The following CHIA variants were observed in gnomAD, a reference collection of about 807,000 sequenced individuals.
The protein encoded by CHIA is chitinase acidic.
In CHIA, 47 loss-of-function variants were observed where a neutral mutation model predicts 53.5. The observed-to-expected ratio is 0.88, with a 90% CI of 0.70 to 1.12. CHIA has a LOEUF of 1.12. CHIA is among the 50% of genes most tolerant of loss of function. CHIA has a pLI of 0.00. For synonymous variants in CHIA, 268 were observed against 222.2 expected (o/e 1.21, Z -1.83); for missense variants, 652 against 592.2 (o/e 1.10, Z -1.05).
chr1:111,311,766 T>A lies in CHIA; in HGVS notation c.55+48T>A, dbSNP rs746363337. On this transcript the variant is annotated intron_variant, in intron 3 of 11. Coordinates refer to ENST00000369740, the MANE Select transcript of CHIA (RefSeq NM_201653.4). ...TATCATTGAATGTATATATACGAGA[T>A]AAACCATACTATGGAAAGAGAGCCG... 92 of 1,582,332 alleles carry A rather than the reference T, an allele frequency of 5.8e-5. 1 individual carries two copies. In the East Asian group the frequency reaches 1.7e-3, roughly 30 times the overall value.
chr1:111,310,556 G>GA (rs1425656880), intron 2 of CHIA, 64 bp downstream of exon 2: 3 of 1,611,684 alleles, frequency 1.9e-6, no homozygotes, highest in Admixed American at 1.7e-5. Context: ...CACAGGCTCT[G>GA]AAAATCATGA....
intron 1 of CHIA, among the ~76,000 whole-genome samples, chr1:111,303,639 C>A (rs1647941267): frequency 6.6e-6 from 1 of 152,134 alleles, no homozygotes; most frequent in Non-Finnish European, 1.5e-5. Context: ...TTTACAGCCC[C>A]ATTCCCTACC....
chr1:111,307,754 G>T (rs1268991098), intron 1 of CHIA, among the ~76,000 whole-genome samples: 2 of 151,284 alleles, frequency 1.3e-5, no homozygotes, highest in Non-Finnish European at 2.9e-5. Flanking sequence ...CAATTCTCCT[G>T]CCTTAGCCTC....
chr1:111,292,979 C>T lies in CHIA; in HGVS notation c.-69+2029C>T, dbSNP rs60084064. Among the ~76,000 whole-genome samples, 867 of 152,230 alleles carry T rather than the reference C, an allele frequency of 5.7e-3. 11 individuals carry two copies. The highest frequency in any genetic ancestry group is 0.019 in the African/African-American group (799 of 41,552). On this transcript the variant is annotated intron_variant, in intron 1 of 11. Coordinates refer to ENST00000369740, the MANE Select transcript of CHIA (RefSeq NM_201653.4). ...ATATATAACAGTTTTGTTATCCATT[C>T]ATTCACTGAAGGACACTTGAGTTGC...
At chr1:111,315,007 G>A in intron 5 of CHIA, 1 of 453,602 alleles carries the variant, frequency 2.2e-6, no homozygotes. Flanking sequence ...CAGTGTGCTG[G>A]GTTTGCCAGG....
chr1:111,317,789 A>G lies in CHIA; in HGVS notation c.589A>G (p.Ile197Val). Reference protein sequence around the residue: ...GISNIQSGYEIPQLSQYLDYI... With the variant: ...GISNIQSGYEVPQLSQYLDYI... ...CTCCAATATCCAGTCTGGCTATGAG[A>G]TCCCCCAACTGTCACAGTGAGTGAT... The change falls in exon 7 of 12, where the codon ATC (isoleucine) becomes GTC (valine). Residue 197 changes from isoleucine (I) to valine (V), a missense_variant. Coordinates refer to ENST00000369740, the MANE Select transcript of CHIA (RefSeq NM_201653.4). 6.2e-7 allele frequency: 1 copy of G among 1,613,512 alleles called. No individual in the cohort carries two copies. The highest frequency in any genetic ancestry group is 8.5e-7 in the Non-Finnish European group (1 of 1,180,000).
chr1:111,291,628 G>A (rs150434041), intron 1 of CHIA, among the ~76,000 whole-genome samples: 753 of 152,126 alleles, frequency 4.9e-3, no homozygotes, highest in Non-Finnish European at 8.7e-3. Context: ...GTATACCTAT[G>A]TAACAAACCT....
chr1:111,295,755 G>C (rs1661300333), intron 1 of CHIA, among the ~76,000 whole-genome samples: 1 of 152,176 alleles, frequency 6.6e-6, no homozygotes. Context: ...GCAGGGTGGG[G>C]CATCACCTCA....
intron 9 of CHIA, among the ~76,000 whole-genome samples, 187 bp from the exon 10 acceptor site, chr1:111,318,933 T>G (rs1311882059): frequency 6.6e-6 from 1 of 152,206 alleles, no homozygotes; most frequent in African/African-American, 2.4e-5. Context: ...TAAATATACC[T>G]CTCATATTAC....
chr1:111,320,090 A>G, intron 11 of CHIA, 123 bp from the exon 12 acceptor site: 1 of 756,758 alleles, frequency 1.3e-6, no homozygotes, highest in Non-Finnish European at 2.2e-6. Context: ...TCTCAGTTGC[A>G]GGGATCCAGA....
chr1:111,314,871 A>G, intron 5 of CHIA: 1 of 459,710 alleles, frequency 2.2e-6, no homozygotes, highest in Non-Finnish European at 3.9e-6. Flanking sequence ...GTATTTCAAG[A>G]GTACAAACCC....
intron 1 of CHIA, among the ~76,000 whole-genome samples, chr1:111,296,183 G>A (rs1047851116): frequency 2.0e-5 from 3 of 152,230 alleles, no homozygotes; most frequent in African/African-American, 7.2e-5. Context: ...AAACATTCCT[G>A]TCTGACAGCT....
intron 5 of CHIA, 32 bp from the exon 6 acceptor site, chr1:111,315,238 G>A (rs746667719): frequency 2.5e-6 from 4 of 1,585,270 alleles, no homozygotes; most frequent in Non-Finnish European, 2.6e-6. Context: ...GACCACCAAG[G>A]TCTCACCCTG....
chr1:111,314,789 A>G, intron 5 of CHIA, 193 bp downstream of exon 5: 1 of 545,728 alleles, frequency 1.8e-6, no homozygotes, highest in South Asian at 2.5e-5. Flanking sequence ...CATACATTTA[A>G]TTTGGTGGAC....
intron 1 of CHIA, among the ~76,000 whole-genome samples, chr1:111,293,258 T>A (rs1661135434): frequency 2.6e-5 from 4 of 152,348 alleles, no homozygotes; most frequent in African/African-American, 9.6e-5. Context: ...ATTTTCTGTT[T>A]TTTGATAGTA....
chr1:111,318,591 C>G lies in CHIA; in HGVS notation c.828C>G (p.Pro276=). The change falls in exon 9 of 12, where the codon CCC becomes CCG. Residue 276 remains proline (P), a synonymous_variant. Coordinates refer to ENST00000369740, the MANE Select transcript of CHIA (RefSeq NM_201653.4). ...TYGHNFILSN[P]SNTGIGAPTS... ...GACACAACTTCATCCTGAGCAACCC[C>G]TCCAACACTGGAATTGGTGCCCCCA... The G allele has an allele frequency of 6.2e-7, 1 of 1,614,226 alleles. No individual in the cohort carries two copies. Among genetic ancestry groups the G allele is most frequent in the South Asian group, 1.1e-5 (1 of 91,084 alleles).
At position 111,320,220 on chromosome 1, in the gene CHIA, G is replaced by A. The variant is rs372590829; in HGVS notation, c.1185G>A (p.Thr395=). ...TACTGCTGTATGTTTCAGGTTGCAC[G>A]GCTCCAGCTCAGCCCATTGAGCCAA... ...KALGLQSASC[T]APAQPIEPIT... is the part of the protein sequence containing the mutation. Residue 395 remains threonine (T), a synonymous_variant, in exon 12 of 12, where the codon ACG becomes ACA. Coordinates refer to ENST00000369740, the MANE Select transcript of CHIA (RefSeq NM_201653.4). 8 of 1,613,376 alleles carry A rather than the reference G, an allele frequency of 5.0e-6. No individual in the cohort carries two copies. The highest frequency in any genetic ancestry group is 3.3e-5 in the Admixed American group (2 of 60,026).
intron 6 of CHIA, 151 bp from the exon 7 acceptor site, chr1:111,317,530 C>T (rs1649254513): frequency 4.9e-6 from 4 of 809,182 alleles, no homozygotes; most frequent in Admixed American, 5.1e-5. Flanking sequence ...ATCCGATCTA[C>T]TTTATTTGGT....
intron 1 of CHIA, among the ~76,000 whole-genome samples, chr1:111,300,430 C>T (rs1647621667): frequency 1.3e-5 from 2 of 152,150 alleles, no homozygotes; most frequent in South Asian, 4.1e-4. Context: ...TAACACCACA[C>T]ATCTACAACC....
Sources: gnomAD v4.1 joint callset for allele counts (sites outside exome capture counted in the v4.1 genomes callset) on GRCh38, gnomAD v4.1.1 for gene constraint, MANE v1.5 for transcripts, NCBI Gene and HGNC (gene_info 2026-07-23, HGNC 2026-07-21) for gene names.